SDK1: variants seen among roughly 807,000 people sequenced by gnomAD.
SDK1 encodes the protein sidekick cell adhesion molecule 1.
In SDK1, 157 loss-of-function variants were observed where a neutral mutation model predicts 245.5. The observed-to-expected ratio is 0.64, with a 90% confidence interval of 0.56 to 0.73. The LOEUF (loss-of-function observed/expected upper bound fraction) is 0.73. SDK1 is among the 30% of genes least tolerant of loss of function. SDK1 has a pLI of 0.00. For missense variants in SDK1, 3,583 were observed against 3,002.3 expected (o/e 1.19, Z -4.52); for synonymous variants, 1,647 against 1,278.5 (o/e 1.29, Z -6.15).
rs560124026 is a variant in SDK1, at chr7:3,357,328, G to GTTTTTTTTTTTTTTT, written c.298+55469_298+55483dup. ...TTACTCTTGCTCCCCTTCTTTTAGTGTTTTTTTTTTTTTTTTTTTTTTTTT... is the reference window on the plus strand; with the variant it reads ...TTACTCTTGCTCCCCTTCTTTTAGTGTTTTTTTTTTTTTTTTTTTTTTTTTTTTTTTTTTTTTTTT... On this transcript the variant is annotated intron_variant, in intron 1 of 44. Transcript: ENST00000404826. 3.4e-4 allele frequency among the ~76,000 whole-genome samples: 18 copies of GTTTTTTTTTTTTTTT among 52,942 alleles called. 3 individuals are homozygous for GTTTTTTTTTTTTTTT. Among genetic ancestry groups the GTTTTTTTTTTTTTTT allele is most frequent in the East Asian group, 1.5e-3 (2 of 1,296 alleles). The allele number at this position is 52,942 out of a possible 152,430, so 34.7% of individuals were successfully genotyped here.
chr7:3,325,139 C>A (rs763640129), intron 1 of SDK1, among the ~76,000 whole-genome samples: 3 of 151,976 alleles, frequency 2.0e-5, no homozygotes, highest in Non-Finnish European at 4.4e-5. Flanking sequence ...ATGCTTCAGT[C>A]TCACAGGTGA....
intron 4 of SDK1, among the ~76,000 whole-genome samples, chr7:3,784,278 C>A (rs532024663): frequency 4.6e-5 from 7 of 151,640 alleles, no homozygotes; most frequent in Admixed American, 1.3e-4. Context: ...AAAGGATATC[C>A]CCTTCAATAA....
chr7:3,825,318 T>TAA lies in SDK1; in HGVS notation c.847+3756_847+3757dup, dbSNP rs763807672. Among the ~76,000 whole-genome samples the TAA allele has an allele frequency of 6.2e-4, 44 of 71,166 alleles. 1 individual carries two copies. The highest frequency in any genetic ancestry group is 7.3e-4 in the Non-Finnish European group (25 of 34,088). The allele number at this position is 71,166 out of a possible 152,430, so 46.7% of individuals were successfully genotyped here. The stretch of plus-strand genomic sequence containing the variant: ...CTATGTGAATAAGAGTTTCTTCCTC[T>TAA]AAAAAAAAAAAAAAAAAAAAAAGCC... On this transcript the variant is annotated intron_variant, in intron 5 of 44. Transcript: ENST00000404826.
chr7:3,507,146 T>G (rs1477619941), intron 1 of SDK1, among the ~76,000 whole-genome samples: 4 of 152,214 alleles, frequency 2.6e-5, no homozygotes, highest in Non-Finnish European at 5.9e-5. Flanking sequence ...AGGTGTTTAC[T>G]GAAGTTCCAG....
chr7:4,190,678 G>A (rs1783145999), intron 35 of SDK1, among the ~76,000 whole-genome samples: 1 of 152,262 alleles, frequency 6.6e-6, no homozygotes, highest in Non-Finnish European at 1.5e-5. Flanking sequence ...GACTGACTGG[G>A]AGCTTGGCCC....
At chr7:3,955,652 C>T (rs923447897) in intron 7 of SDK1, among the ~76,000 whole-genome samples, 1 of 152,094 alleles carries the variant, frequency 6.6e-6, no homozygotes, top group African/African-American at 2.4e-5. Flanking sequence ...AGGGAGGCAG[C>T]GCAGGAAACA....
At chr7:3,479,868 A>G (rs1265754495) in intron 1 of SDK1, among the ~76,000 whole-genome samples, 1 of 151,976 alleles carries the variant, frequency 6.6e-6, no homozygotes. Flanking sequence ...TCTCAAAAAA[A>G]AAAAAAAATT....
rs190525829 is a variant in SDK1, at chr7:3,462,312, C to G, written c.299-156768C>G. Among the ~76,000 whole-genome samples the G allele has an allele frequency of 2.9e-3, 448 of 152,238 alleles. 3 individuals are homozygous for G. The highest frequency in any genetic ancestry group is 5.8e-3 in the Admixed American group (89 of 15,286). On this transcript the variant is annotated intron_variant, in intron 1 of 44. Transcript: ENST00000404826. The stretch of plus-strand genomic sequence containing the variant: ...CTAAATGACCTCTGCTCCCTCTCCT[C>G]TCAATATCTTTCTCTCTTCCCCCCT...
intron 14 of SDK1, among the ~76,000 whole-genome samples, chr7:4,002,803 T>C (rs1001782692): frequency 2.6e-5 from 4 of 152,232 alleles, no homozygotes; most frequent in African/African-American, 9.6e-5. Flanking sequence ...TTGTGTAATT[T>C]CGGAGCTCTT....
intron 4 of SDK1, among the ~76,000 whole-genome samples, chr7:3,821,084 G>GCCTTCTAATTGAAGGGATT (rs2115059794): frequency 6.6e-6 from 1 of 152,314 alleles, no homozygotes; most frequent in African/African-American, 2.4e-5. Context: ...TGGTGGTCCA[G>GCCTTCTAATTGAAGGGATT]CCTTCTAATT....
At chr7:3,950,898 G>A in intron 5 of SDK1, 25 bp from the exon 6 acceptor site, 1 of 1,585,746 alleles carries the variant, frequency 6.3e-7, no homozygotes, top group Admixed American at 1.7e-5. Flanking sequence ...GAGTTTCATG[G>A]ACATTTCTCT....
chr7:4,100,748 C>T (rs531874021), intron 22 of SDK1, among the ~76,000 whole-genome samples: 2 of 152,188 alleles, frequency 1.3e-5, no homozygotes, highest in East Asian at 3.9e-4. Context: ...TCATCACAGT[C>T]GCCTAGTGGG....
chr7:3,502,613 G>T (rs954740819), intron 1 of SDK1, among the ~76,000 whole-genome samples: 1 of 152,070 alleles, frequency 6.6e-6, no homozygotes, highest in Non-Finnish European at 1.5e-5. Context: ...ACAAAATTTG[G>T]ATTTACATAC....
chr7:3,664,188 T>C (rs750954708), intron 4 of SDK1, among the ~76,000 whole-genome samples: 7 of 152,138 alleles, frequency 4.6e-5, no homozygotes, highest in Non-Finnish European at 1.0e-4. Context: ...AAAACATACA[T>C]ACCTTGAAGG....
intron 14 of SDK1, among the ~76,000 whole-genome samples, chr7:4,000,841 C>T (rs1785020515): frequency 6.6e-6 from 1 of 152,178 alleles, no homozygotes; most frequent in African/African-American, 2.4e-5. Flanking sequence ...CTTTTTAAGC[C>T]TCCCATGCAT....
intron 4 of SDK1, among the ~76,000 whole-genome samples, chr7:3,662,537 C>A: frequency 6.6e-6 from 1 of 152,162 alleles, no homozygotes; most frequent in East Asian, 1.9e-4. Flanking sequence ...GGCTGTCTTC[C>A]TGGAGGTCCA....
chr7:4,207,011 C>T (rs1481693360), intron 36 of SDK1, among the ~76,000 whole-genome samples: 3 of 152,240 alleles, frequency 2.0e-5, no homozygotes, highest in African/African-American at 7.2e-5. Flanking sequence ...TTTCTAATTT[C>T]CTTAATGATA....
chr7:3,721,568 G>T (rs1778802861), intron 4 of SDK1, among the ~76,000 whole-genome samples: 1 of 152,212 alleles, frequency 6.6e-6, no homozygotes, highest in African/African-American at 2.4e-5. Flanking sequence ...CTCTGTGGGT[G>T]CACCCTTCTG....
In SDK1 at chr7:4,054,226, C is replaced by T. The variant is rs138451917; in HGVS notation, c.2911+2396C>T. Among the ~76,000 whole-genome samples, 1,003 of 152,286 alleles carry T rather than the reference C, an allele frequency of 6.6e-3. 7 individuals are homozygous for T. Among genetic ancestry groups the T allele is most frequent in the Non-Finnish European group, 0.011 (743 of 68,032 alleles). On this transcript the variant is annotated intron_variant, in intron 19 of 44. Coordinates refer to ENST00000404826, the MANE Select transcript of SDK1 (RefSeq NM_152744.4). ...AAAGTGCTGGGATTACAGGCATAAG[C>T]CACCACACTCACCAAGGTTAACTGA...
Sources: allele counts gnomAD v4.1 joint callset (sites outside exome capture counted in the v4.1 genomes callset), GRCh38; gene constraint gnomAD v4.1.1; transcripts MANE v1.5; gene names NCBI Gene and HGNC (gene_info 2026-07-23, HGNC 2026-07-21).